The following CDH13 variants were observed in gnomAD, a reference collection of about 807,000 sequenced individuals.
CDH13 encodes cadherin-13.
CDH13 carries 24 observed loss-of-function variants against 63.8 expected under a neutral mutation model. The observed-to-expected ratio is 0.38, with a 90% confidence interval of 0.27 to 0.53. The LOEUF (loss-of-function observed/expected upper bound fraction) is 0.53. Ranked by LOEUF, CDH13 falls within the 20% of genes least tolerant of loss-of-function variation. The probability of loss-of-function intolerance (pLI) is 0.85; values close to 1 mark genes in which losing one functional copy is unlikely to be tolerated. For missense variants in CDH13, 1,049 were observed against 903.1 expected, an observed-to-expected ratio of 1.16 and a Z score of -2.07; for synonymous variants, 503 against 355.3, an observed-to-expected ratio of 1.42 and a Z score of -4.67.
At chr16:83,011,141 A>AGT (rs1914111420) in intron 2 of CDH13, among the ~76,000 whole-genome samples, 1 of 152,164 alleles carries the variant, frequency 6.6e-6, no homozygotes, top group African/African-American at 2.4e-5. Context: ...AGCAGGACAA[A>AGT]GTAGTAAGGG....
At chr16:82,974,283 C>T (rs1242622853) in intron 2 of CDH13, among the ~76,000 whole-genome samples, 2 of 152,140 alleles carry the variant, frequency 1.3e-5, no homozygotes, top group African/African-American at 2.4e-5. Flanking sequence ...TGCAAACATC[C>T]AGGCTGTTAT....
intron 7 of CDH13, among the ~76,000 whole-genome samples, chr16:83,545,030 A>G (rs948278707): frequency 5.3e-5 from 8 of 152,246 alleles, no homozygotes; most frequent in Non-Finnish European, 1.2e-4. Flanking sequence ...CTGGAAACAT[A>G]CTTAATGATG....
intron 3 of CDH13, among the ~76,000 whole-genome samples, chr16:83,075,233 G>A (rs918597453): frequency 1.4e-4 from 22 of 152,154 alleles, no homozygotes; most frequent in Admixed American, 2.6e-4. Flanking sequence ...CCTCACTTGT[G>A]ATTCCTGGCA....
chr16:83,224,183 G>T (rs1960076), intron 5 of CDH13, among the ~76,000 whole-genome samples: 149,726 of 152,348 alleles, frequency 0.98, 73,639 homozygotes, highest in East Asian at 1. Context: ...TCCTTTTGAC[G>T]GCTGAGTACT....
intron 1 of CDH13, among the ~76,000 whole-genome samples, chr16:82,723,650 T>G (rs1240718720): frequency 6.6e-6 from 1 of 152,190 alleles, no homozygotes; most frequent in Non-Finnish European, 1.5e-5. Context: ...TCATCCAAAC[T>G]CCTGTGCAAA....
In CDH13 at chr16:83,445,834, A is replaced by G. The variant is rs149133637; in HGVS notation, c.782-40643A>G. Among the ~76,000 whole-genome samples, 949 of 152,196 alleles carry G rather than the reference A, an allele frequency of 6.2e-3. 13 individuals carry two copies. Among genetic ancestry groups the G allele is most frequent in the African/African-American group, 0.021 (853 of 41,480 alleles). ...AACTCGGAGTTCCCAGTCTTCCTCA[A>G]GTAGGTACTTGGGGAGATACTGAAG... On this transcript the variant is annotated intron_variant, in intron 6 of 13. Transcript: ENST00000567109.
chr16:82,768,741 C>G (rs1405322305), intron 1 of CDH13, among the ~76,000 whole-genome samples: 1 of 152,180 alleles, frequency 6.6e-6, no homozygotes, highest in South Asian at 2.1e-4. Context: ...TGTTCAGCAG[C>G]CACTGAACAT....
rs115064282 is a variant in CDH13 at position 83,485,599 on chromosome 16, G to A, written c.782-878G>A. ...TGCCTTTTTGCTCTGAGGTCCCTTT[G>A]ACTTGTTCCTGCCTACTCTCTTCTT... On this transcript the variant is annotated intron_variant, in intron 6 of 13. Coordinates refer to ENST00000567109, the MANE Select transcript of CDH13 (RefSeq NM_001257.5). Among the ~76,000 whole-genome samples the A allele has an allele frequency of 2.5e-3, 378 of 152,158 alleles. 1 individual carries two copies. Among genetic ancestry groups the A allele is most frequent in the African/African-American group, 8.7e-3 (363 of 41,498 alleles).
chr16:83,650,027 A>G lies in CDH13; in HGVS notation c.1102-20763A>G, dbSNP rs117169626. Among the ~76,000 whole-genome samples the G allele has an allele frequency of 3.9e-4, 60 of 152,260 alleles. 1 individual carries two copies. The East Asian group carries it at 8.1e-3, about 21-fold the overall frequency. ...GACAAAATGGAAAATGCGGTGTTTT[A>G]ATTTTCTGAGGCCCATTGAGACAGC... On this transcript the variant is annotated intron_variant, in intron 8 of 13. Coordinates refer to ENST00000567109, the MANE Select transcript of CDH13 (RefSeq NM_001257.5).
chr16:83,678,587 G>A, intron 10 of CDH13, 126 bp downstream of exon 10: 1 of 1,217,210 alleles, frequency 8.2e-7, no homozygotes, highest in Non-Finnish European at 1.1e-6. Context: ...CTCAGCAAGT[G>A]GGAGGAAAGC....
chr16:83,186,354 G>T (rs1004607033), intron 4 of CDH13, among the ~76,000 whole-genome samples: 1 of 151,848 alleles, frequency 6.6e-6, no homozygotes, highest in Non-Finnish European at 1.5e-5. Context: ...GGCCAGGAGG[G>T]TCTCAATCTC....
intron 9 of CDH13, among the ~76,000 whole-genome samples, chr16:83,674,934 G>A (rs1449469186): frequency 6.6e-6 from 1 of 152,062 alleles, no homozygotes; most frequent in African/African-American, 2.4e-5. Context: ...CCTTTCACAG[G>A]CCTAAACATA....
chr16:83,077,142 A>G (rs185391729), intron 3 of CDH13, among the ~76,000 whole-genome samples: 2 of 140,772 alleles, frequency 1.4e-5, no homozygotes, highest in Non-Finnish European at 1.6e-5. Flanking sequence ...TTCACTCAGC[A>G]TAAGATTTTC....
chr16:82,659,267 C>A (rs1911655402), intron 1 of CDH13, among the ~76,000 whole-genome samples: 3 of 152,158 alleles, frequency 2.0e-5, no homozygotes, highest in Admixed American at 2.0e-4. Context: ...AGAATGCTTG[C>A]CAGCAGCATT....
intron 4 of CDH13, among the ~76,000 whole-genome samples, chr16:83,188,325 G>GGCGT (rs1238394644): frequency 6.6e-6 from 1 of 152,196 alleles, no homozygotes. Flanking sequence ...GAAGGGGAGA[G>GGCGT]GCGTGGTTAT....
intron 6 of CDH13, among the ~76,000 whole-genome samples, chr16:83,400,455 C>T (rs1033451832): frequency 6.6e-6 from 1 of 152,052 alleles, no homozygotes; most frequent in East Asian, 1.9e-4. Context: ...GTGAGTGGTG[C>T]CCCCTAGAGG....
At chr16:82,997,000 T>A (rs185771218) in intron 2 of CDH13, among the ~76,000 whole-genome samples, 5 of 145,194 alleles carry the variant, frequency 3.4e-5, no homozygotes, top group Admixed American at 6.7e-5. Context: ...GTGATGATGA[T>A]GATAGTGATG....
At chr16:83,345,757 G>T (rs373085439) in intron 6 of CDH13, among the ~76,000 whole-genome samples, 1 of 151,944 alleles carries the variant, frequency 6.6e-6, no homozygotes, top group African/African-American at 2.4e-5. Context: ...ATTCCTCTTC[G>T]GCTCACTTTG....
chr16:82,842,551 C>G (rs1049666926), intron 1 of CDH13, among the ~76,000 whole-genome samples: 10 of 152,070 alleles, frequency 6.6e-5, no homozygotes, highest in Non-Finnish European at 1.3e-4. Context: ...TCAGTTAATT[C>G]TAATCTCTAT....
Sources: allele counts gnomAD v4.1 joint callset (sites outside exome capture counted in the v4.1 genomes callset), GRCh38; gene constraint gnomAD v4.1.1; transcripts MANE v1.5; gene names NCBI Gene and HGNC (gene_info 2026-07-23, HGNC 2026-07-21).